The following FRMD4B variants were observed in gnomAD, a reference collection of about 807,000 sequenced individuals.
FRMD4B encodes FERM domain containing 4B.
In FRMD4B, 74 loss-of-function variants were observed where a neutral mutation model predicts 141.5. The observed-to-expected ratio is 0.52, with a 90% CI of 0.43 to 0.63. The LOEUF (loss-of-function observed/expected upper bound fraction) is 0.63, where lower values mean the gene tolerates loss of function less well. FRMD4B is among the 30% of genes least tolerant of loss of function. The pLI, the probability that FRMD4B is intolerant of heterozygous loss-of-function variation, is 0.00. For synonymous variants in FRMD4B, 506 were observed against 467.9 expected (o/e 1.08, Z -1.05); for missense variants, 1,366 against 1,253.4 (o/e 1.09, Z -1.36).
At chr3:69,400,101 T>C (rs1704536342) in intron 2 of FRMD4B, among the ~76,000 whole-genome samples, 1 of 151,946 alleles carries the variant, frequency 6.6e-6, no homozygotes, top group Non-Finnish European at 1.5e-5. Context: ...TAAAAAAAAT[T>C]GAGGCTGGGC....
At chr3:69,518,823 G>A (rs1352908625) in intron 1 of FRMD4B, among the ~76,000 whole-genome samples, 1 of 152,218 alleles carries the variant, frequency 6.6e-6, no homozygotes, top group Non-Finnish European at 1.5e-5. Context: ...CCAGCCCCCT[G>A]CAGATCTAGG....
At chr3:69,525,626 C>A (rs887952443) in intron 1 of FRMD4B, among the ~76,000 whole-genome samples, 1 of 152,206 alleles carries the variant, frequency 6.6e-6, no homozygotes, top group African/African-American at 2.4e-5. Context: ...CTGAAGCCTG[C>A]CACTGTACAT....
intron 1 of FRMD4B, among the ~76,000 whole-genome samples, chr3:69,464,758 T>G (rs972469221): frequency 2.8e-4 from 42 of 152,174 alleles, no homozygotes; most frequent in African/African-American, 1.0e-3. Context: ...AAATTAGTCT[T>G]CAGAAAACAA....
At chr3:69,332,665 C>T (rs1051353452) in intron 1 of FRMD4B, among the ~76,000 whole-genome samples, 14 of 151,582 alleles carry the variant, frequency 9.2e-5, no homozygotes, top group Admixed American at 3.3e-4. Context: ...CAGCCTTGAA[C>T]GCCTGAGCTC....
intron 11 of FRMD4B, among the ~76,000 whole-genome samples, chr3:69,210,643 T>G (rs945581045): frequency 1.3e-5 from 2 of 152,174 alleles, no homozygotes; most frequent in African/African-American, 2.4e-5. Flanking sequence ...TCCTTTAATT[T>G]GCGTCACACC....
intron 1 of FRMD4B, among the ~76,000 whole-genome samples, chr3:69,349,418 A>G (rs1344280957): frequency 1.3e-5 from 2 of 152,230 alleles, no homozygotes; most frequent in African/African-American, 2.4e-5. Context: ...TTATAGATTC[A>G]AAGCCATTCC....
chr3:69,418,010 T>C (rs1267334413), intron 2 of FRMD4B, among the ~76,000 whole-genome samples: 1 of 152,166 alleles, frequency 6.6e-6, no homozygotes, highest in Admixed American at 6.5e-5. Flanking sequence ...CTTGTGATGG[T>C]ATGAAGGGCC....
intron 5 of FRMD4B, among the ~76,000 whole-genome samples, chr3:69,272,981 T>G (rs1335027414): frequency 6.6e-6 from 1 of 152,212 alleles, no homozygotes; most frequent in Non-Finnish European, 1.5e-5. Context: ...CAGTCACATT[T>G]TGATTATTCA....
Position 69,170,248 on chromosome 3 carries a change from G to A in FRMD4B, c.*1613C>T, listed in dbSNP as rs1219871127. ...TTCACATGAACCCCTGACATAAATGGAAGAAAACGTAAACATTTTCAGTAG... is the reference window on the plus strand; with the variant it reads ...TTCACATGAACCCCTGACATAAATGAAAGAAAACGTAAACATTTTCAGTAG... On this transcript the variant is annotated 3_prime_UTR_variant, in exon 23 of 23. Coordinates refer to ENST00000398540, the MANE Select transcript of FRMD4B (RefSeq NM_015123.3). The A allele has an allele frequency of 2.6e-5, 4 of 152,082 alleles. No individual in the cohort carries two copies. Among genetic ancestry groups the A allele is most frequent in the African/African-American group, 4.8e-5 (2 of 41,412 alleles). 9.4% of individuals were successfully genotyped at this position (152,082 alleles called of 1,614,324 possible).
At chr3:69,219,301 G>A (rs141820264) in intron 9 of FRMD4B, among the ~76,000 whole-genome samples, 324 of 152,176 alleles carry the variant, frequency 2.1e-3, no homozygotes, top group African/African-American at 7.0e-3. Context: ...CTCTCTGCCC[G>A]CAAGGAACTG....
chr3:69,363,383 C>G (rs965390756), intron 1 of FRMD4B, among the ~76,000 whole-genome samples: 3 of 151,102 alleles, frequency 2.0e-5, no homozygotes, highest in Non-Finnish European at 3.0e-5. Context: ...CTGCACCTGG[C>G]CTCCATGCCT....
chr3:69,228,355 G>A (rs975292765), intron 7 of FRMD4B: 5 of 456,878 alleles, frequency 1.1e-5, no homozygotes, highest in Non-Finnish European at 1.8e-5. Context: ...TTGGGGCCAA[G>A]TGAGACAGGC....
chr3:69,223,644 G>C (rs751571880), intron 8 of FRMD4B, among the ~76,000 whole-genome samples: 2 of 152,128 alleles, frequency 1.3e-5, no homozygotes, highest in Admixed American at 6.6e-5. Context: ...TTTGAGACCA[G>C]CCTGATCAAC....
chr3:69,489,887 T>C (rs1316689368), intron 1 of FRMD4B, among the ~76,000 whole-genome samples: 1 of 152,194 alleles, frequency 6.6e-6, no homozygotes, highest in East Asian at 1.9e-4. Context: ...CACAATAGAA[T>C]ACTATTCAGT....
chr3:69,476,526 T>C (rs1358180805), intron 1 of FRMD4B, among the ~76,000 whole-genome samples: 1 of 152,186 alleles, frequency 6.6e-6, no homozygotes, highest in Non-Finnish European at 1.5e-5. Context: ...ATATGTGGCA[T>C]TATTTCTGAG....
At chr3:69,237,968 G>A (rs1410141522) in intron 7 of FRMD4B, among the ~76,000 whole-genome samples, 2 of 152,204 alleles carry the variant, frequency 1.3e-5, no homozygotes, top group Admixed American at 1.3e-4. Context: ...CTGAGCTCAG[G>A]CAATCGGCCG....
At chr3:69,523,028 A>G (rs79274699) in intron 1 of FRMD4B, among the ~76,000 whole-genome samples, 4,803 of 152,242 alleles carry the variant, frequency 0.032, 110 homozygotes, top group Middle Eastern at 0.075. Flanking sequence ...TCAGGAATCC[A>G]TTCACATACT....
intron 1 of FRMD4B, among the ~76,000 whole-genome samples, chr3:69,522,928 A>G (rs895283591): frequency 8.5e-5 from 13 of 152,150 alleles, no homozygotes; most frequent in Non-Finnish European, 1.6e-4. Flanking sequence ...AATTCAACAG[A>G]GATAATCAAG....
intron 2 of FRMD4B, among the ~76,000 whole-genome samples, chr3:69,428,699 A>C (rs1298588093): frequency 3.3e-5 from 5 of 152,262 alleles, no homozygotes; most frequent in Admixed American, 3.3e-4. Context: ...TAGATAAAAC[A>C]AAAATTCATC....
Sources: gnomAD v4.1 joint callset for allele counts (sites outside exome capture counted in the v4.1 genomes callset) on GRCh38, gnomAD v4.1.1 for gene constraint, MANE v1.5 for transcripts, NCBI Gene and HGNC (gene_info 2026-07-23, HGNC 2026-07-21) for gene names.